Variants in GOLPH3L observed in about 807,000 individuals in gnomAD.
GOLPH3L encodes golgi phosphoprotein 3 like.
In GOLPH3L, 22 loss-of-function variants were observed where a neutral mutation model predicts 30.3. That is an observed-to-expected ratio of 0.73 (90% CI 0.52 to 1.04). The LOEUF is 1.04. Ranked by LOEUF, GOLPH3L falls within the 50% of genes least tolerant of loss-of-function variation. The pLI is 0.00. For missense variants in GOLPH3L, 303 were observed against 345.8 expected (o/e 0.88, Z 0.98); for synonymous variants, 120 against 128.2 (o/e 0.94, Z 0.43).
chr1:150,679,961 T>TA (rs1032751431), intron 2 of GOLPH3L, among the ~76,000 whole-genome samples: 5 of 151,666 alleles, frequency 3.3e-5, no homozygotes, highest in Non-Finnish European at 5.9e-5. Context: ...AGAATAATAA[T>TA]AAAAAAAAGA....
At chr1:150,664,991 G>A (rs1405000179) in intron 2 of GOLPH3L, among the ~76,000 whole-genome samples, 6 of 152,052 alleles carry the variant, frequency 3.9e-5, no homozygotes, top group Non-Finnish European at 8.8e-5. Context: ...TTTGTATAGG[G>A]AATATACGTA....
chr1:150,665,721 G>T (rs587700335), intron 2 of GOLPH3L, among the ~76,000 whole-genome samples: 2 of 151,620 alleles, frequency 1.3e-5, no homozygotes, highest in South Asian at 4.2e-4. Context: ...ATTTTATACA[G>T]GTAGCACTTG....
chr1:150,679,460 A>G (rs1175608515), intron 2 of GOLPH3L, among the ~76,000 whole-genome samples: 1 of 152,194 alleles, frequency 6.6e-6, no homozygotes, highest in African/African-American at 2.4e-5. Flanking sequence ...GCAGTCACAA[A>G]TCTTATCTCA....
Position 150,661,837 on chromosome 1 carries a change from T to C in GOLPH3L, c.407A>G (p.Gln136Arg). 1 of 1,528,756 alleles carries C rather than the reference T, an allele frequency of 6.5e-7. No individual in the cohort carries two copies. The highest frequency in any genetic ancestry group is 9.1e-7 in the Non-Finnish European group (1 of 1,101,898). The allele number at this position is 1,528,756 out of a possible 1,614,324, so 94.7% of individuals were successfully genotyped here. ...IKATEPTETV[Q>R]TWIELLTGET... Reference sequence around the variant, plus strand: ...ACCAGTGAGTAGCTCTATCCATGTTTGGACAGTTTCTGTGGGTTCAGTTGC... The same window carrying C: ...ACCAGTGAGTAGCTCTATCCATGTTCGGACAGTTTCTGTGGGTTCAGTTGC... Residue 136 changes from glutamine to arginine, a missense_variant, in exon 4 of 5, where the codon CAA becomes CGA. Physicochemically the swap from Gln to Arg is conservative, Grantham distance 43. Transcript: ENST00000271732.
intron 2 of GOLPH3L, chr1:150,694,071 C>T (rs1651287175): frequency 2.6e-6 from 1 of 377,864 alleles, no homozygotes; most frequent in African/African-American, 2.2e-5. Context: ...GTTGGCCAGG[C>T]TAGTCTTGAA....
At chr1:150,669,050 A>G (rs1388377793) in intron 2 of GOLPH3L, among the ~76,000 whole-genome samples, 1 of 152,222 alleles carries the variant, frequency 6.6e-6, no homozygotes, top group Non-Finnish European at 1.5e-5. Flanking sequence ...TTCCTATTGT[A>G]GCATCTCAAA....
chr1:150,679,065 TAA>T (rs756379210), intron 2 of GOLPH3L, among the ~76,000 whole-genome samples: 13 of 152,238 alleles, frequency 8.5e-5, no homozygotes, highest in Non-Finnish European at 1.8e-4. Flanking sequence ...CATTTTTTCC[TAA>T]AACAAACAGG....
chr1:150,675,012 G>C (rs2101803411), intron 2 of GOLPH3L, among the ~76,000 whole-genome samples: 1 of 152,122 alleles, frequency 6.6e-6, no homozygotes, highest in South Asian at 2.1e-4. Context: ...CTTGTGGTTA[G>C]GACTACAGGT....
At chr1:150,681,980 T>G (rs972293172) in intron 2 of GOLPH3L, among the ~76,000 whole-genome samples, 19 of 152,072 alleles carry the variant, frequency 1.2e-4, no homozygotes, top group African/African-American at 4.6e-4. Context: ...GCATGAGAAT[T>G]GCTTGAACTT....
At chr1:150,693,797 A>ATGTGTGTGTGTGTGTGTGTG (rs796936730) in intron 2 of GOLPH3L, among the ~76,000 whole-genome samples, 64 of 60,926 alleles carry the variant, frequency 1.1e-3, no homozygotes, top group African/African-American at 2.9e-3. Flanking sequence ...TTGTTTATGT[A>ATGTGTGTGTGTGTGTGTGTG]TGTGTGTGTG....
intron 2 of GOLPH3L, among the ~76,000 whole-genome samples, chr1:150,676,635 T>C (rs1158684658): frequency 7.9e-6 from 1 of 126,540 alleles, no homozygotes; most frequent in Non-Finnish European, 1.6e-5. Flanking sequence ...ATACATTCTA[T>C]TTTTTTTTTT....
intron 2 of GOLPH3L, among the ~76,000 whole-genome samples, chr1:150,671,307 A>C (rs1039897517): frequency 6.6e-6 from 1 of 152,154 alleles, no homozygotes; most frequent in Admixed American, 6.6e-5. Flanking sequence ...TATCTAGAAG[A>C]AAATTCTGGG....
At chr1:150,693,819 G>GTGTGTGTGTGTGTGTT (rs1166804199) in intron 2 of GOLPH3L, among the ~76,000 whole-genome samples, 1 of 86,862 alleles carries the variant, frequency 1.2e-5, no homozygotes, top group Non-Finnish European at 2.1e-5. Flanking sequence ...GTGTGTGTGT[G>GTGTGTGTGTGTGTGTT]TATATATATA....
Position 150,648,584 on chromosome 1 carries a change from G to A in GOLPH3L, c.595C>T (p.Leu199=). 6.2e-7 allele frequency: 1 copy of A among 1,613,972 alleles called. No homozygotes were observed. The highest frequency in any genetic ancestry group is 8.5e-7 in the Non-Finnish European group (1 of 1,179,940). ...ACACTATCTTGAAGTTTTTTCACTA[G>A]TCGCTGTTTCTCTGTTGTATTGGTC... ...PVTNTTEKQR[L]VKKLQDSVLE... Residue 199 remains leucine (L), a synonymous_variant, in exon 5 of 5, where the codon CTA becomes TTA. Transcript: ENST00000271732.
rs1025529258 is a variant in GOLPH3L at position 150,661,089 on chromosome 1, G to A, written c.430+725C>T. Among the ~76,000 whole-genome samples the A allele has an allele frequency of 2.6e-5, 4 of 152,288 alleles. No individual in the cohort carries two copies. The South Asian group carries it at 6.2e-4, about 24-fold the overall frequency. On this transcript the variant is annotated intron_variant, in intron 4 of 4. Transcript: ENST00000271732. ...CTAAGAATACAAAAATTAGCCAGGC[G>A]TGGTGGCACGTGCCTGTAATCCCAG... is the stretch of plus-strand genomic sequence containing the variant.
In GOLPH3L at chr1:150,648,728, T is replaced by C. The variant is rs1469739210; in HGVS notation, c.451A>G (p.Lys151Glu). ...LLTGETWNPFKLQYQLRNVRE... is the reference protein window; with the variant it reads ...LLTGETWNPFELQYQLRNVRE... ...ACATTTCTCAGCTGGTACTGTAATT[T>C]GAAGGGGTTCCAGGTCTCACCTATG... is the stretch of plus-strand genomic sequence containing the variant. Residue 151 changes from lysine to glutamate, a missense_variant, in exon 5 of 5, where the codon AAA becomes GAA. Physicochemically the swap from Lys to Glu is moderately conservative, Grantham distance 56. Coordinates refer to ENST00000271732, the MANE Select transcript of GOLPH3L (RefSeq NM_018178.6). 5 of 1,610,722 alleles carry C rather than the reference T, an allele frequency of 3.1e-6. No individual in the cohort carries two copies. Among genetic ancestry groups the C allele is most frequent in the Non-Finnish European group, 4.2e-6 (5 of 1,176,864 alleles).
chr1:150,672,855 G>A (rs587683287), intron 2 of GOLPH3L, among the ~76,000 whole-genome samples: 1 of 152,194 alleles, frequency 6.6e-6, no homozygotes, highest in East Asian at 1.9e-4. Context: ...CGTGAGGAAG[G>A]GATTATAAAT....
chr1:150,650,058 G>A (rs370122826), intron 4 of GOLPH3L, among the ~76,000 whole-genome samples: 15 of 152,042 alleles, frequency 9.9e-5, no homozygotes, highest in African/African-American at 3.4e-4. Flanking sequence ...GTCCAAGGAT[G>A]TACTCTCTCC....
intron 2 of GOLPH3L, among the ~76,000 whole-genome samples, chr1:150,683,697 CTCAAAAAAAAAAAAAAAAA>C (rs1651015409): frequency 4.8e-5 from 1 of 21,026 alleles, no homozygotes; most frequent in African/African-American, 1.9e-4. Flanking sequence ...GAGACTCTCT[CTCAAAAAAAAAAAAAAAAA>C]AAAAAAAAAA....
Sources: allele counts gnomAD v4.1 joint callset (sites outside exome capture counted in the v4.1 genomes callset), GRCh38; gene constraint gnomAD v4.1.1; transcripts MANE v1.5; gene names NCBI Gene and HGNC (gene_info 2026-07-23, HGNC 2026-07-21).